The following PMPCB variants were observed in gnomAD, a reference collection of about 807,000 sequenced individuals.
The protein encoded by PMPCB is peptidase, mitochondrial processing subunit beta, also known as mitochondrial-processing peptidase subunit beta.
A neutral mutation model predicts 61.5 loss-of-function variants in PMPCB; 46 were observed. The ratio of observed to expected loss-of-function variants is 0.75; its 90% CI spans 0.59 to 0.96. PMPCB has a LOEUF of 0.96. Among genes scored for constraint, PMPCB ranks in the 40% least tolerant of loss-of-function variants. The pLI, the probability that PMPCB is intolerant of heterozygous loss-of-function variation, is 0.00. For missense variants in PMPCB, 590 were observed against 602.4 expected, an observed-to-expected ratio of 0.98 and a Z score of 0.22; for synonymous variants, 191 against 201.6, an observed-to-expected ratio of 0.95 and a Z score of 0.44.
rs1464375632 is a variant in PMPCB at position 103,307,292 on chromosome 7, T to C, written c.737-304T>C. Among the ~76,000 whole-genome samples the C allele has an allele frequency of 2.8e-4, 43 of 152,148 alleles. 1 individual carries two copies. The highest frequency in any genetic ancestry group is 2.8e-3 in the Admixed American group (43 of 15,266). The stretch of plus-strand genomic sequence containing the variant: ...TTTTTGCTAGTTTGGATCCCAGAGG[T>C]TTTTATAATTTAATAGAAAATGATT... On this transcript the variant is annotated intron_variant, in intron 6 of 12. Coordinates refer to ENST00000249269, the MANE Select transcript of PMPCB (RefSeq NM_004279.3).
rs1586085124 is a variant in PMPCB, at chr7:103,323,765, C to G, written c.*1432-5166C>G. 3.3e-6 allele frequency: 3 copies of G among 917,092 alleles called. No homozygotes were observed. The East Asian group carries it at 1.1e-4, about 33-fold the overall frequency. 56.8% of individuals were successfully genotyped at this position (917,092 alleles called of 1,614,324 possible). On this transcript the variant is annotated intron_variant and NMD_transcript_variant, in intron 12 of 12. Transcript: ENST00000444457. ...TTGTTTTAATGGATACCTTTCCTTC[C>G]CTTCTAGTATTGAACTAAGGTCAAG...
At position 103,297,435 on chromosome 7, in the gene PMPCB, A is replaced by G; in HGVS notation, c.-25A>G. Reference sequence around the variant, plus strand: ...TCGCGACCCCGGAAGCACATCCTTCATCCTCTACCTTCCTTCTAGCAGAAA... The same window carrying G: ...TCGCGACCCCGGAAGCACATCCTTCGTCCTCTACCTTCCTTCTAGCAGAAA... On this transcript the variant is annotated 5_prime_UTR_variant, in exon 1 of 13. Transcript: ENST00000249269. 4 of 1,530,054 alleles carry G rather than the reference A, an allele frequency of 2.6e-6. No homozygotes were observed. The highest frequency in any genetic ancestry group is 3.5e-6 in the Non-Finnish European group (4 of 1,138,234). 94.8% of individuals were successfully genotyped at this position (1,530,054 alleles called of 1,614,324 possible).
downstream of PMPCB, chr7:103,315,849 T>C (rs1818022104): frequency 6.2e-7 from 1 of 1,613,414 alleles, no homozygotes; most frequent in East Asian, 2.2e-5. Flanking sequence ...CCTTTTTATT[T>C]ATGTCATCTT....
In PMPCB at chr7:103,314,164, T is replaced by G. The variant is rs555367681; in HGVS notation, c.*1893T>G. The stretch of plus-strand genomic sequence containing the variant: ...GTTCTAGGAAGTCTTTTGTTGAATT[T>G]CCTTGTATTGGTTTAAAGCCCTAAA... On this transcript the variant is annotated 3_prime_UTR_variant, in exon 13 of 13. Coordinates refer to ENST00000249269, the MANE Select transcript of PMPCB (RefSeq NM_004279.3). The G allele has an allele frequency of 9.7e-5, 96 of 985,466 alleles. No individual in the cohort carries two copies. In the African/African-American group the frequency reaches 1.7e-3, roughly 17 times the overall value. The allele number at this position is 985,466 out of a possible 1,614,324, so 61.0% of individuals were successfully genotyped here.
chr7:103,304,069 A>G, intron 5 of PMPCB, 29 bp downstream of exon 5: 2 of 1,448,162 alleles, frequency 1.4e-6, no homozygotes, highest in Non-Finnish European at 1.9e-6. Flanking sequence ...CTTGGTGTAT[A>G]AGGGAATTTA....
chr7:103,327,299 C>G (rs1409466442), intron 12 of PMPCB: 1 of 1,160,760 alleles, frequency 8.6e-7, no homozygotes, highest in African/African-American at 1.6e-5. Flanking sequence ...AAAAAAAAAT[C>G]TTAGTATTCT....
downstream of PMPCB, among the ~76,000 whole-genome samples, chr7:103,330,820 G>A (rs113226678): frequency 2.0e-5 from 3 of 151,144 alleles, no homozygotes; most frequent in African/African-American, 7.3e-5. Context: ...GGGCTCAAGC[G>A]ATCCTCCCAC....
At chr7:103,317,275 G>C (rs995360732), downstream of PMPCB, 2 of 391,102 alleles carry the variant, frequency 5.1e-6, no homozygotes, top group Non-Finnish European at 9.1e-6. Context: ...CATTAGCCTT[G>C]GACACTAATT....
chr7:103,316,399 C>T (rs1818057291), downstream of PMPCB: 1 of 230,242 alleles, frequency 4.3e-6, no homozygotes, highest in Non-Finnish European at 8.3e-6. Context: ...GAAGATCAAT[C>T]ATTCTGAAAA....
intron 12 of PMPCB, among the ~76,000 whole-genome samples, chr7:103,323,335 G>A (rs755932660): frequency 2.0e-4 from 30 of 152,264 alleles, no homozygotes; most frequent in Admixed American, 1.1e-3. Context: ...CCTAGGTTAA[G>A]CAACCAGAAG....
At chr7:103,344,711 C>G in the PMPCB span, 1 of 1,381,824 alleles carries the variant, frequency 7.2e-7, no homozygotes, top group Non-Finnish European at 1.0e-6. Context: ...CCTCTCACTC[C>G]GAGCCTCGCG....
rs1586084456 is a variant in PMPCB, at chr7:103,323,567, A to G, written c.*1432-5364A>G. 4 of 1,430,580 alleles carry G rather than the reference A, an allele frequency of 2.8e-6. No individual in the cohort carries two copies. The South Asian group carries it at 5.5e-5, about 20-fold the overall frequency. 88.6% of individuals were successfully genotyped at this position (1,430,580 alleles called of 1,614,324 possible). ...ACAAATACCAGAGAACCAAATAAAT[A>G]CCTTCCATTATTAATGATTTGCATA... is the stretch of plus-strand genomic sequence containing the variant. On this transcript the variant is annotated intron_variant and NMD_transcript_variant, in intron 12 of 12. Coordinates refer to the PMPCB transcript ENST00000444457.
At chr7:103,310,711 T>C in intron 9 of PMPCB, 1 of 200,120 alleles carries the variant, frequency 5.0e-6, no homozygotes, top group Non-Finnish European at 9.8e-6. Flanking sequence ...GAGGTCTTGC[T>C]CTGTTGCCCA....
At chr7:103,306,947 C>A (rs969320735) in intron 6 of PMPCB, among the ~76,000 whole-genome samples, 29 of 151,956 alleles carry the variant, frequency 1.9e-4, no homozygotes, top group African/African-American at 6.8e-4. Flanking sequence ...TTAGTAGAGA[C>A]AGGGTTTTAC....
intron 2 of PMPCB, 116 bp from the exon 3 acceptor site, chr7:103,299,327 A>G: frequency 3.2e-6 from 2 of 632,532 alleles, no homozygotes; most frequent in South Asian, 2.1e-5. Context: ...CACTCAGGTC[A>G]AGAAAATCTT....
At chr7:103,341,814 G>T in the PMPCB span, 33 of 1,608,380 alleles carry the variant, frequency 2.1e-5, no homozygotes, top group Non-Finnish European at 2.8e-5. Flanking sequence ...TCTTCCAACT[G>T]CAATTCTTCA....
the PMPCB span, among the ~76,000 whole-genome samples, chr7:103,339,104 T>A: frequency 6.6e-6 from 1 of 152,170 alleles, no homozygotes. Flanking sequence ...ACCCCTTTTT[T>A]CTCTTAGCAC....
rs77305684 is a variant in PMPCB at position 103,297,487 on chromosome 7, T to G, written c.28T>G (p.Leu10Val). MAAAAARVV[L>V]SSAARRRLWG... ...GGCGGCTGCGGCGGCTCGAGTGGTG[T>G]TGTCATCCGCGGCGCGGCGGCGGCT... The change falls in exon 1 of 13, where the codon TTG (leucine) becomes GTG (valine). Residue 10 changes from leucine to valine, a missense_variant. Physicochemically the swap from Leu to Val is conservative, Grantham distance 32. Coordinates refer to ENST00000249269, the MANE Select transcript of PMPCB (RefSeq NM_004279.3). The G allele has an allele frequency of 2.7e-4, 430 of 1,568,758 alleles. No individual in the cohort carries two copies. In the East Asian group the frequency reaches 3.5e-3, roughly 13 times the overall value.
chr7:103,314,240 A>G lies in PMPCB; in HGVS notation c.*1969A>G, dbSNP rs1817920901. ...GGAAAAAAGATGGAAGTGACATGGC[A>G]GTATTTCCTGCTGTTCTCCAGTTAC... On this transcript the variant is annotated 3_prime_UTR_variant, in exon 13 of 13. Transcript: ENST00000249269. 1 of 985,296 alleles carries G rather than the reference A, an allele frequency of 1.0e-6. No homozygotes were observed. Among genetic ancestry groups the G allele is most frequent in the Non-Finnish European group, 1.2e-6 (1 of 829,900 alleles). The allele number at this position is 985,296 out of a possible 1,614,324, so 61.0% of individuals were successfully genotyped here.
Sources: gnomAD v4.1 joint callset for allele counts (sites outside exome capture counted in the v4.1 genomes callset) on GRCh38, gnomAD v4.1.1 for gene constraint, MANE v1.5 for transcripts, NCBI Gene and HGNC (gene_info 2026-07-23, HGNC 2026-07-21) for gene names.